FGF14: variants seen among roughly 807,000 people sequenced by gnomAD.
FGF14 encodes fibroblast growth factor homologous factor 4.
A neutral mutation model predicts 25.5 loss-of-function variants in FGF14; 5 were observed. The observed-to-expected ratio is 0.20, with a 90% confidence interval of 0.10 to 0.41. The LOEUF is 0.41. Ranked by LOEUF, FGF14 falls within the 10% of genes least tolerant of loss-of-function variation. The pLI is 1.00. For missense variants in FGF14, 222 were observed against 320.1 expected (o/e 0.69, Z 2.34); for synonymous variants, 138 against 118.3 (o/e 1.17, Z -1.08).
chr13:102,286,134 T>G (rs1356471234), intron 1 of FGF14, among the ~76,000 whole-genome samples: 1 of 152,138 alleles, frequency 6.6e-6, no homozygotes. Flanking sequence ...TTCATGAATG[T>G]TTTTATTTAG....
intron 1 of FGF14, among the ~76,000 whole-genome samples, chr13:101,990,142 T>C (rs1307482179): frequency 1.3e-5 from 2 of 152,154 alleles, no homozygotes; most frequent in East Asian, 1.9e-4. Context: ...TCACATTTTA[T>C]GATTCGTGGT....
At chr13:102,118,485 C>T (rs2607644) in intron 1 of FGF14, among the ~76,000 whole-genome samples, 80,562 of 151,854 alleles carry the variant, frequency 0.53, 22,725 homozygotes, top group East Asian at 0.75. Context: ...AAGGATCTTG[C>T]GTTGCTTAGA....
At chr13:101,820,027 G>C (rs978391895) in intron 3 of FGF14, among the ~76,000 whole-genome samples, 3 of 152,106 alleles carry the variant, frequency 2.0e-5, no homozygotes, top group Non-Finnish European at 4.4e-5. Context: ...GCTATTTCTT[G>C]GCTGACAGCA....
chr13:102,123,158 G>T (rs2045805375), intron 1 of FGF14, among the ~76,000 whole-genome samples: 1 of 152,102 alleles, frequency 6.6e-6, no homozygotes, highest in Non-Finnish European at 1.5e-5. Flanking sequence ...CTATCAGTTG[G>T]TATACCAAAA....
At chr13:101,911,504 G>T (rs1323614509) in intron 1 of FGF14, among the ~76,000 whole-genome samples, 1 of 151,994 alleles carries the variant, frequency 6.6e-6, no homozygotes, top group Non-Finnish European at 1.5e-5. Flanking sequence ...GAACTACTGA[G>T]GTATTAAACA....
chr13:102,144,968 T>C (rs2046794279), intron 1 of FGF14, among the ~76,000 whole-genome samples: 1 of 152,218 alleles, frequency 6.6e-6, no homozygotes, highest in African/African-American at 2.4e-5. Context: ...AAAATGAATA[T>C]ATAAAGACTA....
chr13:101,905,348 T>A (rs1042980765), intron 1 of FGF14, among the ~76,000 whole-genome samples: 1 of 152,194 alleles, frequency 6.6e-6, no homozygotes, highest in Non-Finnish European at 1.5e-5. Context: ...GTGGCACATA[T>A]ACGCCATGGG....
chr13:102,378,066 C>G (rs1190287780), intron 1 of FGF14, among the ~76,000 whole-genome samples: 2 of 152,150 alleles, frequency 1.3e-5, no homozygotes, highest in African/African-American at 2.4e-5. Flanking sequence ...AACTTGGATA[C>G]TTTTAAAAAG....
chr13:101,717,671 T>C lies in FGF14; in HGVS notation c.*5160A>G, dbSNP rs573423198. The C allele has an allele frequency of 2.6e-5, 4 of 152,152 alleles. No homozygotes were observed. Among genetic ancestry groups the C allele is most frequent in the Non-Finnish European group, 4.4e-5 (3 of 67,992 alleles). The allele number at this position is 152,152 out of a possible 1,614,324, so 9.4% of individuals were successfully genotyped here. The stretch of plus-strand genomic sequence containing the variant: ...CGTCCCTGTCTCATATTCTTCTTTG[T>C]TGGTTTCTGTTTAATACTTTAAAGC... On this transcript the variant is annotated 3_prime_UTR_variant, in exon 5 of 5. Transcript: ENST00000376143.
At chr13:102,396,051 A>G (rs1164327733) in intron 1 of FGF14, among the ~76,000 whole-genome samples, 2 of 152,214 alleles carry the variant, frequency 1.3e-5, no homozygotes, top group Admixed American at 6.5e-5. Context: ...GGAGCTGAGA[A>G]GTCTCCCTCA....
chr13:102,390,222 T>C (rs947030203), intron 1 of FGF14, among the ~76,000 whole-genome samples: 2 of 152,198 alleles, frequency 1.3e-5, no homozygotes, highest in Admixed American at 6.5e-5. Context: ...AAGAAAAATT[T>C]TGGGGGCGGG....
At chr13:101,919,226 G>A (rs1449913974), upstream of FGF14, among the ~76,000 whole-genome samples, 1 of 152,036 alleles carries the variant, frequency 6.6e-6, no homozygotes, top group Non-Finnish European at 1.5e-5. Flanking sequence ...TTGAAGAAAC[G>A]CCATTTGTAC....
At chr13:101,984,464 C>A (rs553525920) in intron 1 of FGF14, among the ~76,000 whole-genome samples, 1 of 152,134 alleles carries the variant, frequency 6.6e-6, no homozygotes, top group South Asian at 2.1e-4. Flanking sequence ...TGGAGGACCC[C>A]ACCAAATTAC....
At chr13:102,001,474 A>AGGGAT (rs2039492378) in intron 1 of FGF14, among the ~76,000 whole-genome samples, 1 of 152,216 alleles carries the variant, frequency 6.6e-6, no homozygotes, top group Non-Finnish European at 1.5e-5. Flanking sequence ...ACTGGAATAA[A>AGGGAT]GGGATGAGAC....
At chr13:101,943,249 T>C (rs550483817) in intron 1 of FGF14, among the ~76,000 whole-genome samples, 3 of 152,326 alleles carry the variant, frequency 2.0e-5, no homozygotes, top group Admixed American at 2.0e-4. Flanking sequence ...CTCAGTATAA[T>C]ACTCTCCTGT....
intron 1 of FGF14, among the ~76,000 whole-genome samples, chr13:101,924,168 G>A (rs2034200748): frequency 6.6e-6 from 1 of 152,044 alleles, no homozygotes; most frequent in African/African-American, 2.4e-5. Context: ...TTTGAGAAAG[G>A]AAAGTTCATT....
intron 1 of FGF14, among the ~76,000 whole-genome samples, chr13:102,123,464 G>A (rs2045820380): frequency 6.6e-6 from 1 of 152,138 alleles, no homozygotes; most frequent in South Asian, 2.1e-4. Context: ...GGCAGATTAA[G>A]TAAAAATTGA....
chr13:101,948,342 C>T (rs766202725), intron 1 of FGF14, among the ~76,000 whole-genome samples: 1 of 151,924 alleles, frequency 6.6e-6, no homozygotes, highest in Non-Finnish European at 1.5e-5. Flanking sequence ...ATAGGAACCA[C>T]TGAAAAGACA....
chr13:102,230,636 G>A (rs1237052956), intron 1 of FGF14, among the ~76,000 whole-genome samples: 3 of 152,110 alleles, frequency 2.0e-5, no homozygotes, highest in South Asian at 4.1e-4. Context: ...GAAAAAGGAG[G>A]TGTGTGTGCA....
Sources: gnomAD v4.1 joint callset for allele counts (sites outside exome capture counted in the v4.1 genomes callset) on GRCh38, gnomAD v4.1.1 for gene constraint, MANE v1.5 for transcripts, NCBI Gene and HGNC (gene_info 2026-07-23, HGNC 2026-07-21) for gene names.